Variants in NCALD observed in about 807,000 individuals in gnomAD.
NCALD encodes the protein neurocalcin delta, also known as neurocalcin-delta.
Under a neutral mutation model 18.6 loss-of-function variants are expected in NCALD, and 10 were observed. The observed-to-expected ratio is 0.54, with a 90% CI of 0.33 to 0.91. The LOEUF is 0.91. NCALD is among the 40% of genes least tolerant of loss of function. NCALD has a pLI of 0.03. For missense variants in NCALD, 184 were observed against 247.6 expected (o/e 0.74, Z 1.72); for synonymous variants, 88 against 87.4 (o/e 1.01, Z -0.04).
chr8:101,895,274 G>A lies in NCALD; in HGVS notation c.-106-8047C>T, dbSNP rs1264968. Reference sequence around the variant, plus strand: ...CCAAAGACAAAAACCACATGATTATGTCAATAGATGGAGAAAAAGCCTTTG... The same window carrying A: ...CCAAAGACAAAAACCACATGATTATATCAATAGATGGAGAAAAAGCCTTTG... On this transcript the variant is annotated intron_variant, in intron 3 of 6. Coordinates refer to the NCALD transcript ENST00000311028. 4.0e-4 allele frequency among the ~76,000 whole-genome samples: 44 copies of A among 109,984 alleles called. 2 individuals carry two copies. Among genetic ancestry groups the A allele is most frequent in the Middle Eastern group, 4.0e-3 (1 of 252 alleles). 72.2% of individuals were successfully genotyped at this position (109,984 alleles called of 152,430 possible).
intron 1 of NCALD, among the ~76,000 whole-genome samples, chr8:101,743,253 CAG>C (rs1009802799): frequency 4.8e-5 from 7 of 144,702 alleles, no homozygotes; most frequent in African/African-American, 1.7e-4. Flanking sequence ...CCTGAAAACT[CAG>C]TGTGTTCCTG....
At chr8:101,744,224 C>T (rs1318034798) in intron 1 of NCALD, among the ~76,000 whole-genome samples, 1 of 152,208 alleles carries the variant, frequency 6.6e-6, no homozygotes, top group Non-Finnish European at 1.5e-5. Flanking sequence ...TGGTGCTCAT[C>T]TACTGCAGGC....
At chr8:101,891,562 C>T (rs1417194282) in intron 3 of NCALD, among the ~76,000 whole-genome samples, 6 of 152,318 alleles carry the variant, frequency 3.9e-5, no homozygotes, top group East Asian at 1.9e-4. Flanking sequence ...GCGTGAGCGA[C>T]GCAGAAGACG....
chr8:101,877,951 A>G (rs1816298020), intron 4 of NCALD, among the ~76,000 whole-genome samples: 1 of 152,196 alleles, frequency 6.6e-6, no homozygotes, highest in Non-Finnish European at 1.5e-5. Flanking sequence ...ATGCTTTTAT[A>G]TTTCAGAGGA....
At chr8:102,015,928 A>T (rs1167150917) in intron 2 of NCALD, among the ~76,000 whole-genome samples, 2 of 152,180 alleles carry the variant, frequency 1.3e-5, no homozygotes, top group Non-Finnish European at 2.9e-5. Flanking sequence ...TCTGCAATGA[A>T]CACTCATTAA....
chr8:102,043,364 CTG>C (rs1823120232), intron 1 of NCALD, among the ~76,000 whole-genome samples: 1 of 151,816 alleles, frequency 6.6e-6, no homozygotes, highest in Non-Finnish European at 1.5e-5. Flanking sequence ...GTTCTTCCTG[CTG>C]CCTTCTGTAA....
rs1814524239 is a variant in NCALD at position 101,687,565 on chromosome 8, G to A, written c.*1744C>T. Reference sequence around the variant, plus strand: ...CTGCTGCCAATTACAGCAGACTCAAGTCATATATAAAAACCTGGAGGTTAG... The same window carrying A: ...CTGCTGCCAATTACAGCAGACTCAAATCATATATAAAAACCTGGAGGTTAG... On this transcript the variant is annotated 3_prime_UTR_variant, in exon 4 of 4. Coordinates refer to ENST00000220931, the MANE Select transcript of NCALD (RefSeq NM_032041.3). The A allele has an allele frequency of 6.6e-6, 1 of 152,430 alleles. No homozygotes were observed. The highest frequency in any genetic ancestry group is 2.1e-4 in the South Asian group (1 of 4,814). 9.4% of individuals were successfully genotyped at this position (152,430 alleles called of 1,614,324 possible). A position where few individuals can be genotyped will look rare whatever the true frequency, so the allele number is the denominator to read the frequency against.
At chr8:102,051,012 T>C (rs1324323787) in intron 1 of NCALD, among the ~76,000 whole-genome samples, 1 of 151,144 alleles carries the variant, frequency 6.6e-6, no homozygotes, top group African/African-American at 2.4e-5. Context: ...GTAATTTTTT[T>C]ATATAAAATC....
intron 2 of NCALD, among the ~76,000 whole-genome samples, chr8:101,979,715 T>C (rs73281310): frequency 0.062 from 9,475 of 152,312 alleles, 506 homozygotes; most frequent in African/African-American, 0.15. Context: ...AGAAGTGTGA[T>C]TGAGTTAGAC....
rs532823068 is a variant in NCALD, at chr8:101,702,401, AT to A, written c.379-9506del. ...CAGGCATGTGCCACCACACTGGGTA[AT>A]TTTTTTTTGTAGAGACAGAGTCTCA... is the stretch of plus-strand genomic sequence containing the variant. On this transcript the variant is annotated intron_variant, in intron 2 of 3. Transcript: ENST00000220931. 6.0e-5 allele frequency among the ~76,000 whole-genome samples: 9 copies of A among 151,110 alleles called. No homozygotes were observed. The South Asian group carries it at 6.3e-4, about 11-fold the overall frequency.
intron 1 of NCALD, among the ~76,000 whole-genome samples, chr8:101,775,243 ACATAGTGCCTGTATT>A (rs1811744390): frequency 6.6e-6 from 1 of 152,206 alleles, no homozygotes; most frequent in African/African-American, 2.4e-5. Flanking sequence ...TCAAGGCCTA[ACATAGTGCCTGTATT>A]CCAGCACTAC....
rs187580977 is a variant in NCALD at position 101,892,757 on chromosome 8, G to T, written c.-106-5530C>A. ...CTGATGCGATCAACTGGAAGAAAGGGTATCAGCAATGGAAGATGAAATGAA... is the reference window on the plus strand; with the variant it reads ...CTGATGCGATCAACTGGAAGAAAGGTTATCAGCAATGGAAGATGAAATGAA... On this transcript the variant is annotated intron_variant, in intron 3 of 6. Coordinates refer to the NCALD transcript ENST00000311028. Among the ~76,000 whole-genome samples, 16 of 150,462 alleles carry T rather than the reference G, an allele frequency of 1.1e-4. No homozygotes were observed. In the East Asian group the frequency reaches 2.3e-3, roughly 22 times the overall value.
chr8:101,857,208 A>G (rs969488074), intron 4 of NCALD, among the ~76,000 whole-genome samples: 1 of 152,212 alleles, frequency 6.6e-6, no homozygotes, highest in Admixed American at 6.5e-5. Context: ...CTGAGCATAT[A>G]ACACTGTCCA....
At chr8:102,104,432 T>G (rs564501876) in intron 1 of NCALD, among the ~76,000 whole-genome samples, 62 of 152,186 alleles carry the variant, frequency 4.1e-4, no homozygotes, top group African/African-American at 1.3e-3. Flanking sequence ...TGTGATTGTT[T>G]TTCTCAAAAA....
At chr8:101,935,590 T>C (rs780048173) in intron 2 of NCALD, among the ~76,000 whole-genome samples, 7 of 151,974 alleles carry the variant, frequency 4.6e-5, no homozygotes, top group Non-Finnish European at 1.0e-4. Context: ...GAACTGATCA[T>C]TGGAGTTTGG....
At chr8:101,973,925 A>G (rs1012087992) in intron 2 of NCALD, among the ~76,000 whole-genome samples, 1 of 152,220 alleles carries the variant, frequency 6.6e-6, no homozygotes, top group Non-Finnish European at 1.5e-5. Flanking sequence ...AGACATAAAG[A>G]TGAATCAAAT....
intron 2 of NCALD, among the ~76,000 whole-genome samples, chr8:102,006,853 G>C (rs1476750988): frequency 6.6e-6 from 1 of 152,174 alleles, no homozygotes; most frequent in Non-Finnish European, 1.5e-5. Context: ...TGTTACATTT[G>C]TTAACTTCTC....
intron 1 of NCALD, among the ~76,000 whole-genome samples, chr8:102,062,200 G>A (rs990553654): frequency 6.6e-6 from 1 of 152,212 alleles, no homozygotes; most frequent in Non-Finnish European, 1.5e-5. Context: ...GGCCAGGAGA[G>A]GCTGAGAGGA....
At chr8:101,830,327 G>C (rs926649179) in intron 4 of NCALD, among the ~76,000 whole-genome samples, 1 of 152,150 alleles carries the variant, frequency 6.6e-6, no homozygotes, top group Non-Finnish European at 1.5e-5. Context: ...TTGGGAGGCC[G>C]AGGCAGGCGG....
Sources: allele counts gnomAD v4.1 joint callset (sites outside exome capture counted in the v4.1 genomes callset), GRCh38; gene constraint gnomAD v4.1.1; transcripts MANE v1.5; gene names NCBI Gene and HGNC (gene_info 2026-07-23, HGNC 2026-07-21).